The following TMEM91 variants were observed in gnomAD, a reference collection of about 807,000 sequenced individuals.
The protein encoded by TMEM91 is transmembrane protein 91.
In TMEM91, 6 loss-of-function variants were observed where a neutral mutation model predicts 13.3. The ratio of observed to expected loss-of-function variants is 0.45; its 90% CI spans 0.25 to 0.89. The LOEUF is 0.89. TMEM91 is among the 40% of genes least tolerant of loss of function. The probability of loss-of-function intolerance (pLI) is 0.19; values close to 1 mark genes in which losing one functional copy is unlikely to be tolerated. For synonymous variants in TMEM91, 87 were observed against 101.7 expected (o/e 0.86, Z 0.87); for missense variants, 193 against 228.7 (o/e 0.84, Z 1.01).
chr19:41,366,064 T>C (rs575634128), intron 1 of TMEM91, among the ~76,000 whole-genome samples: 1 of 146,790 alleles, frequency 6.8e-6, no homozygotes, highest in South Asian at 2.1e-4. Context: ...TTTTTTTTTT[T>C]TTTTTTTTGA....
chr19:41,367,523 C>T (rs558467850), intron 1 of TMEM91, among the ~76,000 whole-genome samples: 2 of 151,218 alleles, frequency 1.3e-5, no homozygotes, highest in South Asian at 2.1e-4. Context: ...CCCAAGTACT[C>T]GGGAGGCTGA....
At chr19:41,365,708 T>G (rs1450787295) in intron 1 of TMEM91, among the ~76,000 whole-genome samples, 138 of 16,862 alleles carry the variant, frequency 8.2e-3, no homozygotes, top group Non-Finnish European at 0.013. Context: ...ACCGGCCGGG[T>G]TTTTTTTTTT....
chr19:41,380,775 G>A (rs1454979717), intron 2 of TMEM91, among the ~76,000 whole-genome samples: 1 of 151,922 alleles, frequency 6.6e-6, no homozygotes. Context: ...TTAGCCAGGT[G>A]TAGTGGTGCA....
rs149464701 is a variant in TMEM91, at chr19:41,370,949, C to T, written c.-30+6854C>T. Among the ~76,000 whole-genome samples the T allele has an allele frequency of 1.0e-3, 152 of 151,874 alleles. 1 individual carries two copies. The highest frequency in any genetic ancestry group is 3.5e-3 in the African/African-American group (143 of 41,400). ...AACTCCTGACCTCAGGTGATCAGCC[C>T]GCCTCGGCCTCCTAAAGTGCTGGGA... On this transcript the variant is annotated intron_variant, in intron 1 of 3. Transcript: ENST00000413014.
chr19:41,370,599 G>T (rs893117776), intron 1 of TMEM91, among the ~76,000 whole-genome samples: 8 of 151,924 alleles, frequency 5.3e-5, no homozygotes, highest in South Asian at 2.1e-4. Flanking sequence ...TAGAGACGGG[G>T]TTTCACCATA....
chr19:41,374,842 G>T (rs2038680289), upstream of TMEM91, among the ~76,000 whole-genome samples: 1 of 152,132 alleles, frequency 6.6e-6, no homozygotes, highest in Non-Finnish European at 1.5e-5. Context: ...AATTAGCCAG[G>T]TGTGATGGCG....
At chr19:41,369,016 G>A (rs991661725) in intron 1 of TMEM91, among the ~76,000 whole-genome samples, 28 of 152,016 alleles carry the variant, frequency 1.8e-4, no homozygotes, top group Admixed American at 1.6e-3. Context: ...CTCTGGTGGC[G>A]GAGGTGGGAG....
chr19:41,383,723 G>A lies in TMEM91; in HGVS notation c.369G>A (p.Lys123=), dbSNP rs765907516. 2.5e-6 allele frequency: 4 copies of A among 1,611,036 alleles called. No homozygotes were observed. The highest frequency in any genetic ancestry group is 8.5e-7 in the Non-Finnish European group (1 of 1,178,146). ...AAFCLAQKTN[K]AWAKGDIQGA... is the part of the protein sequence containing the mutation. ...GCCCACTGCCTCTACAGACCAACAA[G>A]GCTTGGGCCAAGGGGGACATCCAGG... Residue 123 remains lysine, a synonymous_variant, in exon 4 of 4, where the codon AAG becomes AAA. Coordinates refer to ENST00000392002, the MANE Select transcript of TMEM91 (RefSeq NM_001098821.2).
intron 1 of TMEM91, chr19:41,377,306 G>A (rs2038744147): frequency 6.5e-6 from 1 of 152,874 alleles, no homozygotes; most frequent in African/African-American, 2.4e-5. Context: ...TGTGCACGGA[G>A]TCAATTGGGA....
intron 1 of TMEM91, chr19:41,377,114 G>T: frequency 6.5e-6 from 1 of 154,558 alleles, no homozygotes; most frequent in Non-Finnish European, 1.4e-5. Context: ...ATTCTGGAGA[G>T]CTGGTGCATG....
At chr19:41,375,067 A>C (rs932741963), upstream of TMEM91, among the ~76,000 whole-genome samples, 1 of 151,928 alleles carries the variant, frequency 6.6e-6, no homozygotes, top group Admixed American at 6.6e-5. Context: ...GTACCACGTG[A>C]CAATCAGAGC....
At position 41,369,773 on chromosome 19, in the gene TMEM91, A is replaced by G. The variant is rs939448133; in HGVS notation, c.-30+5678A>G. ...CAGTGAGCCGAGATTGCACCATTGC[A>G]CTCCAGCCTGGGTGACAGAGCGAGA... On this transcript the variant is annotated intron_variant, in intron 1 of 3. Transcript: ENST00000413014. Among the ~76,000 whole-genome samples, 2 of 152,190 alleles carry G rather than the reference A, an allele frequency of 1.3e-5. 1 individual carries two copies. Among genetic ancestry groups the G allele is most frequent in the South Asian group, 4.1e-4 (2 of 4,824 alleles).
chr19:41,382,961 A>C, intron 3 of TMEM91, 40 bp downstream of exon 3: 3 of 1,601,286 alleles, frequency 1.9e-6, no homozygotes, highest in Non-Finnish European at 2.6e-6. Flanking sequence ...CTGGGCATAA[A>C]AGAGAAAAAT....
rs749700086 is a variant in TMEM91 at position 41,378,323 on chromosome 19, G to C, written c.14G>C (p.Ser5Thr). 2 of 1,614,050 alleles carry C rather than the reference G, an allele frequency of 1.2e-6. No homozygotes were observed. The highest frequency in any genetic ancestry group is 2.2e-5 in the East Asian group (1 of 44,890). Reference protein sequence around the residue: MDSPSLRELQQPLLE... With the variant: MDSPTLRELQQPLLE... ...TTCCCCAAAGCCATGGACAGCCCTA[G>C]TCTTCGTGAGCTTCAACAGCCTCTG... Residue 5 changes from serine to threonine, a missense_variant, in exon 2 of 4, where the codon AGT becomes ACT. Transcript: ENST00000392002.
chr19:41,366,674 G>C (rs988207213), intron 1 of TMEM91, among the ~76,000 whole-genome samples: 1 of 151,944 alleles, frequency 6.6e-6, no homozygotes, highest in Non-Finnish European at 1.5e-5. Context: ...GGCCAGGCAG[G>C]TCTCAAACTC....
upstream of TMEM91, chr19:41,373,976 C>T (rs1413445713): frequency 1.3e-5 from 2 of 152,224 alleles, no homozygotes; most frequent in African/African-American, 4.8e-5. Context: ...CCGCACCTGG[C>T]CTACAGTATG....
At chr19:41,369,681 G>A (rs949740409) in intron 1 of TMEM91, among the ~76,000 whole-genome samples, 4 of 151,718 alleles carry the variant, frequency 2.6e-5, no homozygotes, top group Non-Finnish European at 4.4e-5. Context: ...GGTGGCGAGC[G>A]CCTGTAGTCC....
Position 41,378,414 on chromosome 19 carries a change from AAG to A in TMEM91, c.111_112del (p.Glu37AspfsTer31), listed in dbSNP as rs756090140. On this transcript the variant is annotated frameshift_variant, in exon 2 of 4. Transcript: ENST00000392002. LOFTEE classifies it high-confidence loss of function. ...GCAGGCATGAGCTGGGGTCCCCCTT[AAG>A]AGAGATAGCCTTTGCCGAGTCCCTG... ...PGRHELGSPL[R>X]EIAFAESLRG... 1.9e-6 allele frequency: 3 copies of A among 1,614,044 alleles called. No homozygotes were observed. In the African/African-American group the frequency reaches 4.0e-5, roughly 22 times the overall value.
intron 3 of TMEM91, 148 bp from the exon 4 acceptor site, chr19:41,383,567 C>T (rs988545879): frequency 6.2e-7 from 1 of 1,611,808 alleles, no homozygotes; most frequent in African/African-American, 1.3e-5. Context: ...TCAGCATCCC[C>T]AGTGCCTGAC....
Sources: allele counts gnomAD v4.1 joint callset (sites outside exome capture counted in the v4.1 genomes callset), GRCh38; gene constraint gnomAD v4.1.1; transcripts MANE v1.5; gene names NCBI Gene and HGNC (gene_info 2026-07-23, HGNC 2026-07-21).